DRC1: variants seen among roughly 807,000 people sequenced by gnomAD.
The protein encoded by DRC1 is dynein regulatory complex protein 1.
A neutral mutation model predicts 98.7 loss-of-function variants in DRC1; 74 were observed. The observed-to-expected ratio is 0.75, with a 90% CI of 0.62 to 0.91. The LOEUF (loss-of-function observed/expected upper bound fraction) is 0.91. DRC1 is among the 40% of genes least tolerant of loss of function. The pLI is 0.00. For synonymous variants in DRC1, 336 were observed against 334.1 expected (o/e 1.01, Z -0.06); for missense variants, 875 against 886.0 (o/e 0.99, Z 0.16).
chr2:26,436,378 G>A (rs570171575), intron 7 of DRC1, among the ~76,000 whole-genome samples: 3 of 152,088 alleles, frequency 2.0e-5, no homozygotes, highest in South Asian at 2.1e-4. Flanking sequence ...GCATGATCTC[G>A]GCTCACTGCA....
At chr2:26,445,286 G>A (rs1472153723) in intron 10 of DRC1, among the ~76,000 whole-genome samples, 1 of 152,108 alleles carries the variant, frequency 6.6e-6, no homozygotes, top group East Asian at 1.9e-4. Context: ...AACTGTATTA[G>A]GGATTGCAAA....
At chr2:26,455,378 C>T in intron 16 of DRC1, 145 bp downstream of exon 16, 2 of 736,834 alleles carry the variant, frequency 2.7e-6, no homozygotes, top group South Asian at 3.6e-5. Context: ...AAGAGTGGCA[C>T]CTTGAGACAA....
chr2:26,446,890 G>A (rs1431240378), intron 10 of DRC1, among the ~76,000 whole-genome samples: 9 of 152,130 alleles, frequency 5.9e-5, no homozygotes, highest in African/African-American at 1.9e-4. Context: ...TCAGGAATTC[G>A]AGACCAGCCT....
rs554972253 is a variant in DRC1 at position 26,409,629 on chromosome 2, G to T, written c.156-4715G>T. Among the ~76,000 whole-genome samples, 9 of 152,230 alleles carry T rather than the reference G, an allele frequency of 5.9e-5. No homozygotes were observed. The East Asian group carries it at 1.7e-3, about 29-fold the overall frequency. ...TAGGCAAGAATTTGGAGAACATTTT[G>T]AAAATAAGAGCAATAGACACATTCA... is the stretch of plus-strand genomic sequence containing the variant. On this transcript the variant is annotated intron_variant, in intron 1 of 16. Transcript: ENST00000288710.
intron 8 of DRC1, among the ~76,000 whole-genome samples, chr2:26,442,185 C>T (rs1055188718): frequency 4.6e-5 from 7 of 152,170 alleles, no homozygotes. Context: ...ATCCCATAAT[C>T]CCATTCATGA....
At chr2:26,439,936 T>TATATATATATATATATATATACAC (rs548209014) in intron 7 of DRC1, among the ~76,000 whole-genome samples, 26 of 75,506 alleles carry the variant, frequency 3.4e-4, no homozygotes, top group African/African-American at 7.4e-4. Context: ...TATATATATA[T>TATATATATATATATATATATACAC]ACACACACAC....
At chr2:26,452,842 T>C (rs1229061060) in intron 13 of DRC1, among the ~76,000 whole-genome samples, 1 of 152,182 alleles carries the variant, frequency 6.6e-6, no homozygotes, top group Non-Finnish European at 1.5e-5. Context: ...GGAGTATATA[T>C]GGAAAGGTAT....
chr2:26,445,846 G>C (rs1363798717), intron 10 of DRC1, among the ~76,000 whole-genome samples: 1 of 152,036 alleles, frequency 6.6e-6, no homozygotes, highest in African/African-American at 2.4e-5. Context: ...TTTTAGTAGA[G>C]ACAGGGTTTC....
At chr2:26,448,449 G>A in intron 10 of DRC1, 3 of 655,644 alleles carry the variant, frequency 4.6e-6, no homozygotes, top group Non-Finnish European at 8.6e-6. Flanking sequence ...GAAAAGTAGG[G>A]CATTACAGGC....
rs765070685 is a variant in DRC1 at position 26,444,280 on chromosome 2, CAGG to C, written c.1093_1095del (p.Glu365del). 18 of 1,614,210 alleles carry C rather than the reference CAGG, an allele frequency of 1.1e-5. No individual in the cohort carries two copies. The African/African-American group carries it at 2.1e-4, about 19-fold the overall frequency. Reference sequence around the variant, plus strand: ...ATATGCCAAGCAAATAAAGCAGTTTCAGGAGGAGAACCAGTCTCTAACCTCGGA... The same window carrying C: ...ATATGCCAAGCAAATAAAGCAGTTTCAGGAGAACCAGTCTCTAACCTCGGA... On this transcript the variant is annotated inframe_deletion, in exon 9 of 17. Transcript: ENST00000288710.
chr2:26,420,776 TTTTCTGAGATAGGGTCTCAC>T (rs1663117811), intron 2 of DRC1, among the ~76,000 whole-genome samples: 1 of 151,424 alleles, frequency 6.6e-6, no homozygotes. Flanking sequence ...CTTTTTTTTT[TTTTCTGAGATAGGGTCTCAC>T]TTTGTTGCTC....
At chr2:26,416,033 C>T (rs140108705) in intron 2 of DRC1, among the ~76,000 whole-genome samples, 30 of 151,982 alleles carry the variant, frequency 2.0e-4, no homozygotes, top group African/African-American at 6.0e-4. Context: ...CAGTTCACCC[C>T]GAGCACTCCT....
intron 1 of DRC1, among the ~76,000 whole-genome samples, chr2:26,410,695 G>A (rs570942758): frequency 5.5e-4 from 83 of 152,214 alleles, no homozygotes; most frequent in African/African-American, 1.9e-3. Flanking sequence ...AAGATCATGA[G>A]GTTCCTGATT....
Position 26,424,293 on chromosome 2 carries a change from G to A in DRC1, c.379G>A (p.Val127Ile), listed in dbSNP as rs1199545365. Residue 127 changes from valine (V) to isoleucine (I), a missense_variant, in exon 4 of 17, where the codon GTT becomes ATT. Val to Ile is a conservative substitution (Grantham distance 29). Transcript: ENST00000288710. ...RQRIEKLENE[V>I]KTSQDKFDEI... is the part of the protein sequence containing the mutation. ...CAGGATTGAGAAGCTGGAGAATGAA[G>A]TTAAGACCAGCCAGGACAAATTCGA... 6.2e-7 allele frequency: 1 copy of A among 1,614,006 alleles called. No homozygotes were observed. Among genetic ancestry groups the A allele is most frequent in the Non-Finnish European group, 8.5e-7 (1 of 1,179,994 alleles).
intron 2 of DRC1, among the ~76,000 whole-genome samples, chr2:26,418,583 AAT>A (rs1678905398): frequency 1.2e-4 from 12 of 98,746 alleles, no homozygotes; most frequent in African/African-American, 5.1e-4. Flanking sequence ...ATTATATATA[AAT>A]TATATATAAT....
intron 3 of DRC1, 97 bp from the exon 4 acceptor site, chr2:26,424,174 G>T: frequency 6.9e-7 from 1 of 1,443,934 alleles, no homozygotes; most frequent in Non-Finnish European, 9.5e-7. Flanking sequence ...CCTAGTACCT[G>T]GGTCTTATAT....
At chr2:26,440,889 A>G (rs1338066426) in intron 8 of DRC1, among the ~76,000 whole-genome samples, 2 of 152,210 alleles carry the variant, frequency 1.3e-5, no homozygotes, top group African/African-American at 4.8e-5. Flanking sequence ...CCCAGTTCAT[A>G]GAGAGCTTTC....
intron 6 of DRC1, among the ~76,000 whole-genome samples, chr2:26,431,252 C>T (rs956459995): frequency 1.3e-5 from 2 of 152,236 alleles, no homozygotes; most frequent in African/African-American, 4.8e-5. Flanking sequence ...CCGCGCCCGG[C>T]CGCCTTTTTG....
At chr2:26,438,742 G>A (rs1663637763) in intron 7 of DRC1, among the ~76,000 whole-genome samples, 1 of 152,166 alleles carries the variant, frequency 6.6e-6, no homozygotes, top group South Asian at 2.1e-4. Flanking sequence ...CCCAGAGTAG[G>A]CTGTGATAGC....
Sources: gnomAD v4.1 joint callset for allele counts (sites outside exome capture counted in the v4.1 genomes callset) on GRCh38, gnomAD v4.1.1 for gene constraint, MANE v1.5 for transcripts, NCBI Gene and HGNC (gene_info 2026-07-23, HGNC 2026-07-21) for gene names.